Variants in FYB1 observed in about 807,000 individuals in gnomAD.
FYB1 encodes the protein FYN binding protein 1, also known as FYN-binding protein 1.
In FYB1, 41 loss-of-function variants were observed where a neutral mutation model predicts 94.1. That is an observed-to-expected ratio of 0.44 (90% CI 0.34 to 0.57). The LOEUF is 0.57. FYB1 is among the 20% of genes least tolerant of loss of function. FYB1 has a pLI of 0.02. For synonymous variants in FYB1, 367 were observed against 353.2 expected, an observed-to-expected ratio of 1.04 and a Z score of -0.44; for missense variants, 1,050 against 976.8, an observed-to-expected ratio of 1.07 and a Z score of -1.00.
chr5:39,207,844 G>A (rs1450658535), intron 1 of FYB1, among the ~76,000 whole-genome samples: 1 of 152,154 alleles, frequency 6.6e-6, no homozygotes. Context: ...TGACGAAAAT[G>A]ACCAGCCAGG....
At position 39,248,125 on chromosome 5, in the gene FYB1, T is replaced by C. The variant is rs375938301; in HGVS notation, c.-28+26278A>G. On this transcript the variant is annotated intron_variant, in intron 1 of 1. Coordinates refer to the FYB1 transcript ENST00000510188. ...GCAGACTTCATTTGTCAAAGAACTATAAATAAAGAAAAGGGACTTACATGT... is the reference window on the plus strand; with the variant it reads ...GCAGACTTCATTTGTCAAAGAACTACAAATAAAGAAAAGGGACTTACATGT... 4.6e-5 allele frequency among the ~76,000 whole-genome samples: 7 copies of C among 152,252 alleles called. No homozygotes were observed. In the East Asian group the frequency reaches 7.7e-4, roughly 17 times the overall value.
intron 2 of FYB1, among the ~76,000 whole-genome samples, chr5:39,154,344 G>A (rs889466777): frequency 1.4e-4 from 22 of 152,072 alleles, no homozygotes; most frequent in Middle Eastern, 3.4e-3. Context: ...TTGGAATTAC[G>A]CAGGTTGCCT....
chr5:39,124,857 G>A (rs576934605), intron 12 of FYB1, among the ~76,000 whole-genome samples: 12 of 150,924 alleles, frequency 8.0e-5, no homozygotes, highest in Non-Finnish European at 1.6e-4. Context: ...GTGGCATTTG[G>A]CTGCAACAGA....
chr5:39,148,097 C>A (rs1368054517), intron 3 of FYB1, among the ~76,000 whole-genome samples: 2 of 143,424 alleles, frequency 1.4e-5, no homozygotes, highest in Non-Finnish European at 3.0e-5. Context: ...TAATGCCCGG[C>A]TCCTGCAATT....
At chr5:39,182,528 A>G (rs1561225241) in intron 2 of FYB1, among the ~76,000 whole-genome samples, 1 of 152,208 alleles carries the variant, frequency 6.6e-6, no homozygotes, top group Admixed American at 6.5e-5. Context: ...CAGGTCATGC[A>G]CATCATTTTA....
At chr5:39,107,895 G>T (rs946017667) in intron 18 of FYB1, among the ~76,000 whole-genome samples, 5 of 151,986 alleles carry the variant, frequency 3.3e-5, no homozygotes, top group Non-Finnish European at 7.4e-5. Context: ...GGTATTACTG[G>T]TTATGAAATA....
chr5:39,257,879 G>C (rs1752031292), intron 1 of FYB1, among the ~76,000 whole-genome samples: 1 of 151,974 alleles, frequency 6.6e-6, no homozygotes. Flanking sequence ...TCAAACAGCT[G>C]CATACTTTAA....
intron 1 of FYB1, among the ~76,000 whole-genome samples, chr5:39,236,168 G>T (rs1750957166): frequency 1.3e-5 from 2 of 151,728 alleles, no homozygotes; most frequent in Admixed American, 6.6e-5. Context: ...TCAAACGTGG[G>T]TTAATGAGAA....
intron 1 of FYB1, among the ~76,000 whole-genome samples, chr5:39,273,901 A>T (rs1165153340): frequency 6.6e-6 from 1 of 151,946 alleles, no homozygotes; most frequent in African/African-American, 2.4e-5. Context: ...ACTGAGAAGC[A>T]TCGTCAGTGT....
chr5:39,228,522 C>CT (rs33989804), intron 1 of FYB1, among the ~76,000 whole-genome samples: 22,576 of 151,872 alleles, frequency 0.15, 4,445 homozygotes, highest in African/African-American at 0.43. Flanking sequence ...AAGTTGTCAC[C>CT]TATAGTAATG....
At chr5:39,157,703 C>T (rs1743878235) in intron 2 of FYB1, among the ~76,000 whole-genome samples, 1 of 152,194 alleles carries the variant, frequency 6.6e-6, no homozygotes, top group Non-Finnish European at 1.5e-5. Context: ...TTATGGACCT[C>T]ATCTCCCAAA....
intron 1 of FYB1, among the ~76,000 whole-genome samples, chr5:39,210,418 C>A (rs913600137): frequency 3.3e-5 from 5 of 152,248 alleles, no homozygotes; most frequent in Non-Finnish European, 5.9e-5. Flanking sequence ...ACTGTGTTCT[C>A]TCTTCCAGAG....
intron 2 of FYB1, among the ~76,000 whole-genome samples, chr5:39,186,255 C>A (rs1746780096): frequency 6.6e-6 from 1 of 152,148 alleles, no homozygotes; most frequent in South Asian, 2.1e-4. Context: ...GAAACCCCGT[C>A]TCTACTAAAA....
intron 2 of FYB1, among the ~76,000 whole-genome samples, chr5:39,182,096 G>A (rs1746293244): frequency 6.6e-6 from 1 of 151,958 alleles, no homozygotes; most frequent in African/African-American, 2.4e-5. Context: ...TTAGGCTTAA[G>A]CCCCAAGTCC....
chr5:39,222,916 A>C (rs1023013997), upstream of FYB1, among the ~76,000 whole-genome samples: 5 of 152,066 alleles, frequency 3.3e-5, no homozygotes, highest in Non-Finnish European at 5.9e-5. Flanking sequence ...TCTTATAATC[A>C]ATAAAAGAGG....
intron 17 of FYB1, 66 bp from the exon 18 acceptor site, chr5:39,108,328 G>A (rs1301488157): frequency 7.6e-7 from 1 of 1,319,060 alleles, no homozygotes; most frequent in Non-Finnish European, 1.0e-6. Context: ...GCAATATATA[G>A]AAGAATAGAG....
Position 39,246,839 on chromosome 5 carries a change from T to C in FYB1, c.-28+27564A>G, listed in dbSNP as rs1162836622. On this transcript the variant is annotated intron_variant, in intron 1 of 1. Transcript: ENST00000510188. ...GAGGAGCAGAATGGAAACAGCATCA[T>C]CTACTCAAGGCAGAATAATACAGAG... Among the ~76,000 whole-genome samples the C allele has an allele frequency of 2.0e-5, 3 of 151,992 alleles. No individual in the cohort carries two copies. The East Asian group carries it at 5.8e-4, about 29-fold the overall frequency.
chr5:39,201,768 A>G (rs1748331640), intron 2 of FYB1, 58 bp downstream of exon 2: 2 of 1,466,102 alleles, frequency 1.4e-6, no homozygotes, highest in South Asian at 2.6e-5. Context: ...CCCAGAAGCT[A>G]AAACATTCTC....
At chr5:39,206,386 T>C (rs1394373580) in intron 1 of FYB1, among the ~76,000 whole-genome samples, 1 of 152,220 alleles carries the variant, frequency 6.6e-6, no homozygotes, top group Non-Finnish European at 1.5e-5. Flanking sequence ...GTAACAATAA[T>C]AGGTAGTTTT....
Sources: gnomAD v4.1 joint callset for allele counts (sites outside exome capture counted in the v4.1 genomes callset) on GRCh38, gnomAD v4.1.1 for gene constraint, MANE v1.5 for transcripts, NCBI Gene and HGNC (gene_info 2026-07-23, HGNC 2026-07-21) for gene names.